DISC1: variants seen among roughly 807,000 people sequenced by gnomAD.
DISC1 encodes DISC1 scaffold protein, also known as disrupted in schizophrenia 1 protein.
In DISC1, 57 loss-of-function variants were observed where a neutral mutation model predicts 84.5. The ratio of observed to expected loss-of-function variants is 0.67; its 90% CI spans 0.55 to 0.84. The LOEUF (loss-of-function observed/expected upper bound fraction) is 0.84. DISC1 is among the 40% of genes least tolerant of loss of function. DISC1 has a pLI of 0.00. For synonymous variants in DISC1, 411 were observed against 415.2 expected (o/e 0.99, Z 0.12); for missense variants, 1,000 against 1,057.8 (o/e 0.95, Z 0.76).
In DISC1 at chr1:232,036,816, C is replaced by T. The variant is rs367543100; in HGVS notation, c.2550C>T (p.His850=). 8.2e-5 allele frequency: 131 copies of T among 1,588,062 alleles called. 1 individual carries two copies. Among genetic ancestry groups the T allele is most frequent in the Admixed American group, 6.3e-4 (37 of 58,792 alleles). ...AAASCMTAGV[H]EAQA The stretch of plus-strand genomic sequence containing the variant: ...CTTCCTGCATGACAGCTGGTGTCCA[C>T]GAAGCACAAGCCTGAGGAGTGACGG... Residue 850 remains histidine (H), a synonymous_variant, in exon 13 of 13, where the codon CAC becomes CAT. Coordinates refer to ENST00000439617, the MANE Select transcript of DISC1 (RefSeq NM_018662.3).
chr1:231,766,288 TAA>T (rs61578768), intron 4 of DISC1, among the ~76,000 whole-genome samples: 14 of 106,126 alleles, frequency 1.3e-4, no homozygotes, highest in African/African-American at 4.3e-4. Context: ...AGACATTATC[TAA>T]AAAAAAAAAA....
At chr1:231,720,592 G>A (rs930264871) in intron 3 of DISC1, among the ~76,000 whole-genome samples, 3 of 152,020 alleles carry the variant, frequency 2.0e-5, no homozygotes, top group Non-Finnish European at 4.4e-5. Flanking sequence ...CTCCCACTTC[G>A]GCCTCTCAAA....
At chr1:231,672,669 G>A (rs2062740254) in intron 1 of DISC1, among the ~76,000 whole-genome samples, 1 of 152,108 alleles carries the variant, frequency 6.6e-6, no homozygotes, top group South Asian at 2.1e-4. Flanking sequence ...GCTTACTCCT[G>A]GTTGCTTCCC....
intron 9 of DISC1, among the ~76,000 whole-genome samples, chr1:231,945,660 C>A (rs531046866): frequency 9.2e-5 from 14 of 152,068 alleles, no homozygotes; most frequent in Non-Finnish European, 1.9e-4. Flanking sequence ...TTCAAAAAAT[C>A]AATGAATCCA....
At chr1:231,738,025 T>C (rs1027658945) in intron 3 of DISC1, among the ~76,000 whole-genome samples, 1 of 152,148 alleles carries the variant, frequency 6.6e-6, no homozygotes, top group Admixed American at 6.5e-5. Context: ...ACCTGGCTAA[T>C]TTTTTGTAGA....
intron 9 of DISC1, among the ~76,000 whole-genome samples, chr1:231,822,573 A>G (rs532843936): frequency 3.9e-4 from 59 of 152,334 alleles, no homozygotes; most frequent in African/African-American, 1.3e-3. Context: ...CGCAATGACA[A>G]GATCCTGCCC....
chr1:231,959,285 T>G (rs905072778), intron 10 of DISC1: 3 of 986,880 alleles, frequency 3.0e-6, no homozygotes, highest in Non-Finnish European at 3.6e-6. Flanking sequence ...GAAATGCACG[T>G]CTTAGGTTCT....
At chr1:231,800,515 T>C (rs1225953130) in intron 8 of DISC1, among the ~76,000 whole-genome samples, 23 of 152,088 alleles carry the variant, frequency 1.5e-4, no homozygotes, top group Admixed American at 1.5e-3. Context: ...GAATGAGGAT[T>C]ATTGGGTGTG....
intron 1 of DISC1, among the ~76,000 whole-genome samples, chr1:231,662,500 G>C (rs1190872700): frequency 6.6e-6 from 1 of 152,154 alleles, no homozygotes; most frequent in African/African-American, 2.4e-5. Context: ...ATGAATCGGG[G>C]TCCCACTTAA....
chr1:231,687,411 A>G (rs2064422490), intron 1 of DISC1, among the ~76,000 whole-genome samples: 1 of 152,188 alleles, frequency 6.6e-6, no homozygotes, highest in Non-Finnish European at 1.5e-5. Flanking sequence ...CAAAAGCAGA[A>G]GCCCTTGATA....
intron 9 of DISC1, among the ~76,000 whole-genome samples, chr1:231,822,535 T>C (rs1238139390): frequency 2.0e-5 from 3 of 152,112 alleles, no homozygotes; most frequent in Non-Finnish European, 4.4e-5. Flanking sequence ...ATTAGGACCT[T>C]TTGCTTTAGA....
chr1:231,763,246 C>G (rs2075912551), intron 4 of DISC1, among the ~76,000 whole-genome samples: 1 of 152,186 alleles, frequency 6.6e-6, no homozygotes, highest in African/African-American at 2.4e-5. Flanking sequence ...AGACCCTGAC[C>G]CACCGGGACT....
chr1:231,713,794 G>T (rs1015023287), intron 3 of DISC1, among the ~76,000 whole-genome samples: 9 of 134,978 alleles, frequency 6.7e-5, no homozygotes, highest in Non-Finnish European at 1.4e-4. Flanking sequence ...ATATATAGGA[G>T]ATATATATAT....
rs537276815 is a variant in DISC1 at position 231,688,283 on chromosome 1, C to CT, written c.68-5542dup. ...GACAATGGCGTGTGGGTTTGCTACTCTATTTCTAGTATTTCTGTGCCACCT... is the reference window on the plus strand; with the variant it reads ...GACAATGGCGTGTGGGTTTGCTACTCTTATTTCTAGTATTTCTGTGCCACCT... On this transcript the variant is annotated intron_variant, in intron 1 of 12. Transcript: ENST00000439617. Among the ~76,000 whole-genome samples the CT allele has an allele frequency of 5.9e-5, 9 of 152,136 alleles. No homozygotes were observed. The South Asian group carries it at 1.9e-3, about 32-fold the overall frequency.
rs192469629 is a variant in DISC1 at position 231,959,537 on chromosome 1, C to A, written c.2042+649C>A. 74 of 980,148 alleles carry A rather than the reference C, an allele frequency of 7.5e-5. No homozygotes were observed. In the East Asian group the frequency reaches 1.1e-3, roughly 15 times the overall value. 60.7% of individuals were successfully genotyped at this position (980,148 alleles called of 1,614,324 possible). ...TGGAAGTCATTTAGTTTTATGGAGA[C>A]CATTTTGCTATTATTTTGGAATTTG... On this transcript the variant is annotated intron_variant, in intron 10 of 12. Coordinates refer to ENST00000439617, the MANE Select transcript of DISC1 (RefSeq NM_018662.3).
chr1:231,949,890 A>G (rs549141702), intron 9 of DISC1, among the ~76,000 whole-genome samples: 5 of 152,246 alleles, frequency 3.3e-5, no homozygotes, highest in Non-Finnish European at 5.9e-5. Context: ...ATTTGTAAAA[A>G]CAGAGCCTTT....
At chr1:232,014,379 T>C (rs1156301859) in intron 11 of DISC1, among the ~76,000 whole-genome samples, 2 of 152,150 alleles carry the variant, frequency 1.3e-5, no homozygotes, top group Non-Finnish European at 1.5e-5. Flanking sequence ...CATCAGCTGG[T>C]TTTGCTCTTT....
chr1:231,926,853 T>TG (rs909751301), intron 9 of DISC1, among the ~76,000 whole-genome samples: 2 of 152,230 alleles, frequency 1.3e-5, no homozygotes, highest in African/African-American at 4.8e-5. Context: ...GCTCCCTTTG[T>TG]GACCTCCTTT....
At chr1:231,987,578 A>C (rs1383283372) in intron 10 of DISC1, among the ~76,000 whole-genome samples, 1 of 152,236 alleles carries the variant, frequency 6.6e-6, no homozygotes, top group Non-Finnish European at 1.5e-5. Context: ...GATGAAAGCC[A>C]GACAAGAAAA....
Sources: allele counts gnomAD v4.1 joint callset (sites outside exome capture counted in the v4.1 genomes callset), GRCh38; gene constraint gnomAD v4.1.1; transcripts MANE v1.5; gene names NCBI Gene and HGNC (gene_info 2026-07-23, HGNC 2026-07-21).